CACNA2D4: variants seen among roughly 807,000 people sequenced by gnomAD.
CACNA2D4 encodes the protein calcium voltage-gated channel auxiliary subunit alpha2delta 4, also known as voltage-dependent calcium channel subunit alpha-2/delta-4.
CACNA2D4 carries 157 observed loss-of-function variants against 163.8 expected under a neutral mutation model. The observed-to-expected ratio is 0.96, with a 90% CI of 0.84 to 1.09. The LOEUF is 1.09. Among genes scored for constraint, CACNA2D4 ranks in the 50% least tolerant of loss-of-function variants. The pLI is 0.00. For synonymous variants in CACNA2D4, 598 were observed against 586.9 expected (o/e 1.02, Z -0.27); for missense variants, 1,410 against 1,479.9 (o/e 0.95, Z 0.78).
intron 29 of CACNA2D4, among the ~76,000 whole-genome samples, chr12:1,807,593 G>A (rs897875593): frequency 6.6e-6 from 1 of 152,064 alleles, no homozygotes; most frequent in African/African-American, 2.4e-5. Flanking sequence ...CCGCCGCCCT[G>A]TCTTCCACTC....
chr12:1,803,911 G>A (rs577861095), intron 29 of CACNA2D4, among the ~76,000 whole-genome samples: 2 of 152,288 alleles, frequency 1.3e-5, no homozygotes, highest in East Asian at 1.9e-4. Context: ...GCAACCTAAA[G>A]CCCTGGCAGG....
At chr12:1,796,631 C>T (rs1863135979) in intron 35 of CACNA2D4, among the ~76,000 whole-genome samples, 1 of 152,230 alleles carries the variant, frequency 6.6e-6, no homozygotes, top group Non-Finnish European at 1.5e-5. Context: ...GGGGTGAAAC[C>T]CGCGCAGCAC....
At position 1,816,863 on chromosome 12, in the gene CACNA2D4, C is replaced by T. The variant is rs142303808; in HGVS notation, c.2552-5140G>A. On this transcript the variant is annotated intron_variant, in intron 26 of 37. Coordinates refer to ENST00000382722, the MANE Select transcript of CACNA2D4 (RefSeq NM_172364.5). Reference sequence around the variant, plus strand: ...ACGCACACATGGACACACAGGCATACGCACACACTTGCACACACATGCATA... The same window carrying T: ...ACGCACACATGGACACACAGGCATATGCACACACTTGCACACACATGCATA... Among the ~76,000 whole-genome samples the T allele has an allele frequency of 2.8e-3, 431 of 152,294 alleles. 3 individuals are homozygous for T. Among genetic ancestry groups the T allele is most frequent in the Admixed American group, 2.7e-3 (41 of 15,294 alleles).
At chr12:1,848,506 T>C (rs2154448040) in intron 23 of CACNA2D4, among the ~76,000 whole-genome samples, 1 of 152,318 alleles carries the variant, frequency 6.6e-6, no homozygotes, top group East Asian at 1.9e-4. Context: ...ATACATGCAT[T>C]CTTTTATTTC....
chr12:1,825,618 G>A (rs912146446), intron 26 of CACNA2D4, among the ~76,000 whole-genome samples: 3 of 152,228 alleles, frequency 2.0e-5, no homozygotes, highest in Non-Finnish European at 4.4e-5. Flanking sequence ...GTGCAAGCAT[G>A]TGGGCACATG....
Position 1,918,228 on chromosome 12 carries a change from G to A in CACNA2D4, c.227+19C>T, listed in dbSNP as rs756415226. On this transcript the variant is annotated intron_variant, in intron 1 of 37. Coordinates refer to ENST00000382722, the MANE Select transcript of CACNA2D4 (RefSeq NM_172364.5). ...AAGGGTGACCGGGTTTTTGGGGTGG[G>A]GTTGAACGTGATGCTTACGTTTCCA... 1.9e-6 allele frequency: 3 copies of A among 1,565,624 alleles called. No individual in the cohort carries two copies. Among genetic ancestry groups the A allele is most frequent in the East Asian group, 2.3e-5 (1 of 43,604 alleles).
rs1324053635 is a variant in CACNA2D4 at position 1,851,974 on chromosome 12, CTT to C, written c.2246+1975_2246+1976del. Among the ~76,000 whole-genome samples, 22 of 152,150 alleles carry C rather than the reference CTT, an allele frequency of 1.4e-4. No homozygotes were observed. In the East Asian group the frequency reaches 4.1e-3, roughly 28 times the overall value. On this transcript the variant is annotated intron_variant, in intron 23 of 37. Transcript: ENST00000382722. Reference sequence around the variant, plus strand: ...GTCGTATGTTCTTGTAGTCTTATAACTTTATCATGTATTATTTCTTGCCTTTT... The same window carrying C: ...GTCGTATGTTCTTGTAGTCTTATAACTATCATGTATTATTTCTTGCCTTTT...
chr12:1,860,277 G>A, intron 18 of CACNA2D4, 71 bp from the exon 19 acceptor site: 3 of 1,154,748 alleles, frequency 2.6e-6, no homozygotes, highest in Non-Finnish European at 3.9e-6. Context: ...TCGCCCCCAG[G>A]GCTCTTGGGG....
Position 1,828,095 on chromosome 12 carries a change from C to T in CACNA2D4, c.2551+12644G>A. ...CCTCAGGACTGACAGGCGGCGCACC[C>T]AGGGGCTCCTCTCTCCCCAGAGCGA... On this transcript the variant is annotated intron_variant, in intron 26 of 37. Coordinates refer to ENST00000382722, the MANE Select transcript of CACNA2D4 (RefSeq NM_172364.5). This position sits in a 1 kb window ranked among gnomAD's most constrained non-coding sequence, Gnocchi z 4.2. 1 of 1,460,830 alleles carries T rather than the reference C, an allele frequency of 6.8e-7. No homozygotes were observed. The highest frequency in any genetic ancestry group is 9.1e-7 in the Non-Finnish European group (1 of 1,100,242). The allele number at this position is 1,460,830 out of a possible 1,614,324, so 90.5% of individuals were successfully genotyped here.
At chr12:1,888,081 CATGGGAGTGTGGTGTG>C in intron 6 of CACNA2D4, among the ~76,000 whole-genome samples, 1 of 152,244 alleles carries the variant, frequency 6.6e-6, no homozygotes. Context: ...GAAGCAGAGC[CATGGGAGTGTGGTGTG>C]ATGGGAGCTT....
chr12:1,904,932 T>C (rs558928032), intron 6 of CACNA2D4, among the ~76,000 whole-genome samples: 1 of 152,114 alleles, frequency 6.6e-6, no homozygotes, highest in South Asian at 2.1e-4. Flanking sequence ...GATTAAACTT[T>C]CCCATCAAAA....
intron 26 of CACNA2D4, among the ~76,000 whole-genome samples, chr12:1,839,959 A>G (rs1166459307): frequency 1.3e-5 from 2 of 152,230 alleles, no homozygotes; most frequent in African/African-American, 4.8e-5. Context: ...CTCATTTATA[A>G]AATAGGCACT....
At chr12:1,817,263 G>A (rs544186591) in intron 26 of CACNA2D4, among the ~76,000 whole-genome samples, 28 of 152,328 alleles carry the variant, frequency 1.8e-4, no homozygotes, top group African/African-American at 6.5e-4. Flanking sequence ...ACAAGGCCCA[G>A]GGCTGCTGAG....
At chr12:1,855,447 C>T (rs554539918) in intron 22 of CACNA2D4, among the ~76,000 whole-genome samples, 41 of 152,222 alleles carry the variant, frequency 2.7e-4, no homozygotes, top group Middle Eastern at 3.4e-3. Context: ...CGCATTAGTG[C>T]AGGTGAGAAG....
At position 1,908,001 on chromosome 12, in the gene CACNA2D4, C is replaced by T; in HGVS notation, c.523G>A (p.Asp175Asn). 6.2e-7 allele frequency: 1 copy of T among 1,614,010 alleles called. No individual in the cohort carries two copies. The highest frequency in any genetic ancestry group is 8.5e-7 in the Non-Finnish European group (1 of 1,179,866). ...AGCTCCACGAAGTTGCCCTTCTCGT[C>T]CCTCTCGTTGATCAGGACCGAGTTG... ...YYNSVLINER[D>N]EKGNFVELGA... The change falls in exon 5 of 38, where the codon GAC (aspartate) becomes AAC (asparagine). Residue 175 changes from aspartate to asparagine, a missense_variant. By Grantham distance (23) the Asp-to-Asn change is conservative. Transcript: ENST00000382722.
rs568112105 is a variant in CACNA2D4 at position 1,913,167 on chromosome 12, T to C, written c.310-28A>G. 3.3e-6 allele frequency: 5 copies of C among 1,495,760 alleles called. No individual in the cohort carries two copies. In the East Asian group the frequency reaches 1.1e-4, roughly 34 times the overall value. The allele number at this position is 1,495,760 out of a possible 1,614,324, so 92.7% of individuals were successfully genotyped here. A position where few individuals can be genotyped will look rare whatever the true frequency, so the allele number is the denominator to read the frequency against. On this transcript the variant is annotated intron_variant, in intron 2 of 37. Coordinates refer to ENST00000382722, the MANE Select transcript of CACNA2D4 (RefSeq NM_172364.5). ...GTTTGGGGAAAGTGGGAGAGATGCG[T>C]GCATGTGGTTTTGTACCAGGATAGT...
rs1864503469 is a variant in CACNA2D4 at position 1,829,152 on chromosome 12, T to C, written c.2551+11587A>G. Among the ~76,000 whole-genome samples the C allele has an allele frequency of 6.6e-6, 1 of 152,152 alleles. No homozygotes were observed. Among genetic ancestry groups the C allele is most frequent in the Non-Finnish European group, 1.5e-5 (1 of 68,048 alleles). On this transcript the variant is annotated intron_variant, in intron 26 of 37. Transcript: ENST00000382722. This position sits in a 1 kb window ranked among gnomAD's most constrained non-coding sequence, Gnocchi z 4.2. ...TGTCACTGGAGCTTTTATGCCACCT[T>C]GATCTCCAGGGAGGTGGGGGGCGCA...
chr12:1,860,020 C>A (rs578044295), intron 19 of CACNA2D4, 125 bp downstream of exon 19: 8 of 736,722 alleles, frequency 1.1e-5, no homozygotes, highest in Admixed American at 2.2e-5. Flanking sequence ...AGCAGGTCTA[C>A]ACCTCAAGTT....
intron 26 of CACNA2D4, among the ~76,000 whole-genome samples, chr12:1,830,706 G>A (rs928138345): frequency 1.3e-5 from 2 of 152,196 alleles, no homozygotes; most frequent in Non-Finnish European, 2.9e-5. Context: ...CAGATGTGTG[G>A]CAAGGCAGGG....
Sources: allele counts gnomAD v4.1 joint callset (sites outside exome capture counted in the v4.1 genomes callset), GRCh38; gene constraint gnomAD v4.1.1; non-coding constraint Gnocchi (gnomAD v3.1); transcripts MANE v1.5; gene names NCBI Gene and HGNC (gene_info 2026-07-23, HGNC 2026-07-21).